The following NAV2 variants were observed in gnomAD, a reference collection of about 807,000 sequenced individuals.
NAV2 encodes the protein neuron navigator 2, also known as helicase, APC down-regulated 1.
In NAV2, 54 loss-of-function variants were observed where a neutral mutation model predicts 223.2. The ratio of observed to expected loss-of-function variants is 0.24; its 90% CI spans 0.19 to 0.30. NAV2 has a LOEUF of 0.30. NAV2 is among the 10% of genes least tolerant of loss of function. The probability of loss-of-function intolerance (pLI) is 1.00; values close to 1 mark genes in which losing one functional copy is unlikely to be tolerated. For missense variants in NAV2, 2,806 were observed against 3,147.5 expected, an observed-to-expected ratio of 0.89 and a Z score of 2.60; for synonymous variants, 1,279 against 1,239.3, an observed-to-expected ratio of 1.03 and a Z score of -0.67.
At chr11:20,105,497 C>T in intron 34 of NAV2, 34 bp from the exon 35 acceptor site, 6 of 1,579,264 alleles carry the variant, frequency 3.8e-6, no homozygotes, top group Non-Finnish European at 4.3e-6. Flanking sequence ...GGATCACCAT[C>T]ATCAGCTTGA....
chr11:19,397,561 C>T (rs541556334), intron 1 of NAV2, among the ~76,000 whole-genome samples: 34 of 152,186 alleles, frequency 2.2e-4, no homozygotes, highest in African/African-American at 7.7e-4. Flanking sequence ...GGAGGAGGTA[C>T]ATCATCTTTA....
At chr11:19,369,861 C>T (rs1361376371) in intron 1 of NAV2, among the ~76,000 whole-genome samples, 1 of 152,190 alleles carries the variant, frequency 6.6e-6, no homozygotes, top group African/African-American at 2.4e-5. Flanking sequence ...CTTGCTGGGG[C>T]TTTAACCAGT....
chr11:19,496,828 A>T (rs1211875429), intron 1 of NAV2, among the ~76,000 whole-genome samples: 2 of 151,410 alleles, frequency 1.3e-5, no homozygotes, highest in East Asian at 3.8e-4. Flanking sequence ...AAAAAACAAA[A>T]AACAAAAACA....
rs1219197156 is a variant in NAV2, at chr11:19,821,065, A to C, written c.268-11419A>C. Among the ~76,000 whole-genome samples the C allele has an allele frequency of 7.2e-5, 11 of 152,308 alleles. No homozygotes were observed. In the East Asian group the frequency reaches 1.4e-3, roughly 19 times the overall value. The stretch of plus-strand genomic sequence containing the variant: ...ATCACGAGGTCAGAAGATTGAGACC[A>C]TCCTGGCTAACACGGTGAAACCCCG... On this transcript the variant is annotated intron_variant, in intron 1 of 37. Coordinates refer to ENST00000349880, the MANE Select transcript of NAV2 (RefSeq NM_145117.5).
intron 1 of NAV2, among the ~76,000 whole-genome samples, chr11:19,611,232 C>T (rs548176362): frequency 6.6e-6 from 1 of 152,152 alleles, no homozygotes; most frequent in Non-Finnish European, 1.5e-5. Flanking sequence ...ATTACCTCCC[C>T]CTGGGTCCCT....
At chr11:19,346,195 C>T (rs1187229662), upstream of NAV2, among the ~76,000 whole-genome samples, 1 of 152,164 alleles carries the variant, frequency 6.6e-6, no homozygotes, top group Non-Finnish European at 1.5e-5. Context: ...ATCTGAGCTT[C>T]TGTGATCTGT....
intron 11 of NAV2, among the ~76,000 whole-genome samples, chr11:20,003,333 G>C (rs1050200194): frequency 2.0e-5 from 3 of 152,158 alleles, no homozygotes; most frequent in African/African-American, 7.2e-5. Context: ...ATCCATTTAT[G>C]AGGGGAAAAA....
intron 1 of NAV2, among the ~76,000 whole-genome samples, chr11:19,631,297 C>A (rs2047339474): frequency 6.6e-6 from 1 of 151,988 alleles, no homozygotes. Flanking sequence ...TGATGTTCCC[C>A]CTCCTGTGTC....
At position 20,054,255 on chromosome 11, in the gene NAV2, G is replaced by T; in HGVS notation, c.4642+15G>T. ...TTCCCAGCTTGGTGAGTAGCCACTT[G>T]TCATTACCTATGTTGATCAGCTCCA... On this transcript the variant is annotated intron_variant, in intron 18 of 37. Coordinates refer to ENST00000349880, the MANE Select transcript of NAV2 (RefSeq NM_145117.5). 1.9e-6 allele frequency: 3 copies of T among 1,602,906 alleles called. No individual in the cohort carries two copies. The highest frequency in any genetic ancestry group is 1.7e-4 in the Middle Eastern group (1 of 6,004).
intron 1 of NAV2, among the ~76,000 whole-genome samples, chr11:19,741,778 A>T (rs117111808): frequency 0.018 from 2,754 of 150,158 alleles, 46 homozygotes; most frequent in Non-Finnish European, 0.029. Context: ...TGTTGTTTCC[A>T]TATCTTAGCA....
At chr11:19,949,909 C>A (rs138666595) in intron 10 of NAV2, among the ~76,000 whole-genome samples, 1 of 152,180 alleles carries the variant, frequency 6.6e-6, no homozygotes, top group South Asian at 2.1e-4. Context: ...CTCCCTGTTT[C>A]TCTGTGTGCT....
chr11:19,763,492 A>G (rs2054939344), intron 1 of NAV2, among the ~76,000 whole-genome samples: 2 of 152,200 alleles, frequency 1.3e-5, no homozygotes, highest in Admixed American at 6.5e-5. Flanking sequence ...AGACTTAAAT[A>G]ATAATTAAGT....
chr11:19,667,462 C>A (rs947358881), intron 1 of NAV2, among the ~76,000 whole-genome samples: 7 of 152,130 alleles, frequency 4.6e-5, no homozygotes, highest in African/African-American at 1.7e-4. Context: ...GCTTTGGGGG[C>A]ACGAGGAGGT....
chr11:19,648,729 A>G (rs1322146538), intron 1 of NAV2, among the ~76,000 whole-genome samples: 2 of 152,230 alleles, frequency 1.3e-5, no homozygotes, highest in Non-Finnish European at 2.9e-5. Context: ...TAACAAGGTA[A>G]TGTCAAACAT....
chr11:19,602,475 C>T (rs1257434591), intron 1 of NAV2, among the ~76,000 whole-genome samples: 1 of 152,164 alleles, frequency 6.6e-6, no homozygotes, highest in Non-Finnish European at 1.5e-5. Context: ...CGCACCCAGC[C>T]ACTTCTCTGC....
intron 25 of NAV2, chr11:20,082,600 G>T: frequency 6.2e-7 from 1 of 1,613,904 alleles, no homozygotes; most frequent in East Asian, 2.2e-5. Context: ...AGGTCAATGA[G>T]GTAAGCAAGA....
Position 19,912,152 on chromosome 11 carries a change from ATAAAGTT to A in NAV2, c.931+19561_931+19567del, listed in dbSNP as rs560239849. Among the ~76,000 whole-genome samples the A allele has an allele frequency of 9.8e-4, 149 of 152,354 alleles. 5 individuals carry two copies. In the South Asian group the frequency reaches 0.031, roughly 31 times the overall value. ...TAGTTCTTCAACTTTATCTCATTAA[ATAAAGTT>A]TAGTGAACTGCCAAAGACAAGATGA... On this transcript the variant is annotated intron_variant, in intron 6 of 37. Transcript: ENST00000349880.
chr11:20,044,299 T>C (rs755076530), intron 13 of NAV2, 27 bp downstream of exon 13: 7 of 1,573,250 alleles, frequency 4.4e-6, no homozygotes, highest in Middle Eastern at 3.6e-4. Flanking sequence ...GTCTTGGCCC[T>C]ACAGTTGACA....
intron 1 of NAV2, among the ~76,000 whole-genome samples, chr11:19,798,555 A>G (rs2058057716): frequency 6.6e-6 from 1 of 152,204 alleles, no homozygotes; most frequent in African/African-American, 2.4e-5. Context: ...GAGGCTGGCC[A>G]CGGGGAGCCC....
Sources: gnomAD v4.1 joint callset for allele counts (sites outside exome capture counted in the v4.1 genomes callset) on GRCh38, gnomAD v4.1.1 for gene constraint, MANE v1.5 for transcripts, NCBI Gene and HGNC (gene_info 2026-07-23, HGNC 2026-07-21) for gene names.